The following ZNF891 variants were observed in gnomAD, a reference collection of about 807,000 sequenced individuals.
The protein encoded by ZNF891 is zinc finger protein 891.
For missense variants in ZNF891, 589 were observed against 632.7 expected (o/e 0.93, Z 0.74); for synonymous variants, 199 against 209.0 (o/e 0.95, Z 0.41).
chr12:133,105,852 A>G lies in ZNF891; in HGVS notation c.*14432T>C. 8.1e-6 allele frequency: 13 copies of G among 1,614,164 alleles called. No individual in the cohort carries two copies. Among genetic ancestry groups the G allele is most frequent in the Non-Finnish European group, 1.1e-5 (13 of 1,180,028 alleles). ...ACTGGAGAGAAACCATATGCATGTA[A>G]GGAATGTGGCAAAACCTTTAGCCAG... On this transcript the variant is annotated 3_prime_UTR_variant, in exon 2 of 2. Coordinates refer to ENST00000537226, the MANE Select transcript of ZNF891 (RefSeq NM_001277291.2).
At position 133,106,546 on chromosome 12, in the gene ZNF891, C is replaced by A; in HGVS notation, c.*13738G>T. On this transcript the variant is annotated 3_prime_UTR_variant, in exon 2 of 2. Coordinates refer to ENST00000537226, the MANE Select transcript of ZNF891 (RefSeq NM_001277291.2). ...GTAAGGTATGCAACAAATCCTTCAG[C>A]TGGAGCTCAAACCTTGCTAAACATC... 6.2e-7 allele frequency: 1 copy of A among 1,613,960 alleles called. No homozygotes were observed.
rs1407727161 is a variant in ZNF891, at chr12:133,107,975, A to G, written c.*12309T>C. On this transcript the variant is annotated 3_prime_UTR_variant, in exon 2 of 2. Transcript: ENST00000537226. ...AAGAGGTGAAATTTATAAAAGTTTT[A>G]GCCCAAAAACACCTTATTTACATGT... The G allele has an allele frequency of 6.6e-6, 1 of 152,228 alleles. No homozygotes were observed. The highest frequency in any genetic ancestry group is 1.9e-4 in the East Asian group (1 of 5,200). 9.4% of individuals were successfully genotyped at this position (152,228 alleles called of 1,614,324 possible).
Position 133,106,288 on chromosome 12 carries a change from T to C in ZNF891, c.*13996A>G. ...ATGAATGTAATGAATGTAGGAAAGCTTTCCGTTGTCACTCATTCCTTATTA... is the reference window on the plus strand; with the variant it reads ...ATGAATGTAATGAATGTAGGAAAGCCTTCCGTTGTCACTCATTCCTTATTA... On this transcript the variant is annotated 3_prime_UTR_variant, in exon 2 of 2. Transcript: ENST00000537226. 1 of 1,614,184 alleles carries C rather than the reference T, an allele frequency of 6.2e-7. No individual in the cohort carries two copies.
In ZNF891 at chr12:133,120,671, G is replaced by T. The variant is rs1485171420; in HGVS notation, c.1248C>A (p.Ser416Arg). The T allele has an allele frequency of 6.4e-7, 1 of 1,558,652 alleles. No homozygotes were observed. The highest frequency in any genetic ancestry group is 8.7e-7 in the Non-Finnish European group (1 of 1,152,258). The change falls in exon 2 of 2, where the codon AGC becomes AGA. Residue 416 changes from serine (S) to arginine (R), a missense_variant. By Grantham distance (110) the Ser-to-Arg change is moderately radical (BLOSUM62 -1). Transcript: ENST00000537226. The stretch of plus-strand genomic sequence containing the variant: ...TTCTCTTGTGCACTATAAGGTAAGA[G>T]CTTGTGCCAAAGGATTTTCCACACT... ...CNQCGKSFGTSSYLIVHKRIH... is the reference protein window; with the variant it reads ...CNQCGKSFGTRSYLIVHKRIH...
intron 1 of ZNF891, among the ~76,000 whole-genome samples, chr12:133,122,786 A>G (rs1456969056): frequency 1.3e-5 from 2 of 152,206 alleles, no homozygotes; most frequent in Non-Finnish European, 2.9e-5. Flanking sequence ...CTCCCTCCCC[A>G]AAGTCCATAT....
Position 133,106,230 on chromosome 12 carries a change from G to A in ZNF891, c.*14054C>T, listed in dbSNP as rs962516528. The A allele has an allele frequency of 5.6e-6, 9 of 1,613,898 alleles. No homozygotes were observed. The highest frequency in any genetic ancestry group is 5.3e-5 in the African/African-American group (4 of 74,852). ...TTTCGCCGTTTCTCACACCTTACTCGACATCAGAGCATCCATACAACCAAA... is the reference window on the plus strand; with the variant it reads ...TTTCGCCGTTTCTCACACCTTACTCAACATCAGAGCATCCATACAACCAAA... On this transcript the variant is annotated 3_prime_UTR_variant, in exon 2 of 2. Coordinates refer to ENST00000537226, the MANE Select transcript of ZNF891 (RefSeq NM_001277291.2).
rs575321267 is a variant in ZNF891, at chr12:133,114,926, T to C, written c.*5358A>G. 1.3e-5 allele frequency: 2 copies of C among 152,192 alleles called. No individual in the cohort carries two copies. Among genetic ancestry groups the C allele is most frequent in the Non-Finnish European group, 2.9e-5 (2 of 68,036 alleles). 9.4% of individuals were successfully genotyped at this position (152,192 alleles called of 1,614,324 possible). ...TTTAGATGGATCACCCTGGGAAGTGTAGAGAACAGTTGATAGGAAAGCACA... is the reference window on the plus strand; with the variant it reads ...TTTAGATGGATCACCCTGGGAAGTGCAGAGAACAGTTGATAGGAAAGCACA... On this transcript the variant is annotated 3_prime_UTR_variant, in exon 2 of 2. Coordinates refer to ENST00000537226, the MANE Select transcript of ZNF891 (RefSeq NM_001277291.2).
rs1955752753 is a variant in ZNF891 at position 133,121,015 on chromosome 12, G to C, written c.904C>G (p.Leu302Val). The C allele has an allele frequency of 6.5e-7, 1 of 1,535,502 alleles. No homozygotes were observed. Among genetic ancestry groups the C allele is most frequent in the Admixed American group, 2.0e-5 (1 of 50,984 alleles). ...TTCTTAAGGGATGATTGATGACACA[G>C]CGTTTCATCTTTATTACATTCACAG... ...NACECNKDET[L>V]CHQSSLKKQG... The change falls in exon 2 of 2, where the codon CTG becomes GTG. Residue 302 changes from leucine (L) to valine (V), a missense_variant. By Grantham distance (32) the Leu-to-Val change is conservative (BLOSUM62 1). Coordinates refer to ENST00000537226, the MANE Select transcript of ZNF891 (RefSeq NM_001277291.2).
chr12:133,105,628 T>A lies in ZNF891; in HGVS notation c.*14656A>T. ...GTCAAGGCCCTGTGTATTCCAGTTTTAAAGGAGGCTGGAAATGCAAGGATC... is the reference window on the plus strand; with the variant it reads ...GTCAAGGCCCTGTGTATTCCAGTTTAAAAGGAGGCTGGAAATGCAAGGATC... On this transcript the variant is annotated 3_prime_UTR_variant, in exon 2 of 2. Coordinates refer to ENST00000537226, the MANE Select transcript of ZNF891 (RefSeq NM_001277291.2). 1.2e-6 allele frequency: 2 copies of A among 1,614,158 alleles called. No individual in the cohort carries two copies. The highest frequency in any genetic ancestry group is 1.7e-5 in the Admixed American group (1 of 60,022).
Position 133,113,138 on chromosome 12 carries a change from T to G in ZNF891, c.*7146A>C, listed in dbSNP as rs1955695704. 2 of 149,130 alleles carry G rather than the reference T, an allele frequency of 1.3e-5. No homozygotes were observed. Among genetic ancestry groups the G allele is most frequent in the South Asian group, 4.1e-4 (2 of 4,824 alleles). The allele number at this position is 149,130 out of a possible 1,614,324, so 9.2% of individuals were successfully genotyped here. On this transcript the variant is annotated 3_prime_UTR_variant, in exon 2 of 2. Coordinates refer to ENST00000537226, the MANE Select transcript of ZNF891 (RefSeq NM_001277291.2). The stretch of plus-strand genomic sequence containing the variant: ...TATAAAAAAATATATTTTTCAATTT[T>G]TTTAATCTGGTATTTAAAAAAATGA...
chr12:133,119,189 T>G lies in ZNF891; in HGVS notation c.*1095A>C, dbSNP rs1048469381. On this transcript the variant is annotated 3_prime_UTR_variant, in exon 2 of 2. Transcript: ENST00000537226. ...GAGCCATGACCACACCACTGCATTC[T>G]AGCCTGAGAGACAGAGACTCTGTCT... 8 of 151,130 alleles carry G rather than the reference T, an allele frequency of 5.3e-5. No homozygotes were observed. Among genetic ancestry groups the G allele is most frequent in the Non-Finnish European group, 7.4e-5 (5 of 67,872 alleles). 9.4% of individuals were successfully genotyped at this position (151,130 alleles called of 1,614,324 possible).
In ZNF891 at chr12:133,106,223, C is replaced by T; in HGVS notation, c.*14061G>A. 6.2e-7 allele frequency: 1 copy of T among 1,614,186 alleles called. No homozygotes were observed. The highest frequency in any genetic ancestry group is 1.1e-5 in the South Asian group (1 of 91,084). On this transcript the variant is annotated 3_prime_UTR_variant, in exon 2 of 2. Transcript: ENST00000537226. The stretch of plus-strand genomic sequence containing the variant: ...GAAGGCATTTCGCCGTTTCTCACAC[C>T]TTACTCGACATCAGAGCATCCATAC...
chr12:133,121,827 A>G lies in ZNF891; in HGVS notation c.92T>C (p.Ile31Thr), dbSNP rs1593827456. ...TAACCAGGTTGTCAGAAATACAGCAATCATCCTTTCCTCTTCAGCATTTCT... is the reference window on the plus strand; with the variant it reads ...TAACCAGGTTGTCAGAAATACAGCAGTCATCCTTTCCTCTTCAGCATTTCT... ...HLRNAEEERM[I>T]AVFLTTWLQE... The change falls in exon 2 of 2, where the codon ATT becomes ACT. Residue 31 changes from isoleucine (I) to threonine (T), a missense_variant. By Grantham distance (89) the Ile-to-Thr change is moderately conservative. Transcript: ENST00000537226. 6.5e-7 allele frequency: 1 copy of G among 1,536,622 alleles called. No homozygotes were observed. Among genetic ancestry groups the G allele is most frequent in the East Asian group, 2.4e-5 (1 of 40,938 alleles).
Position 133,120,463 on chromosome 12 carries a change from T to C in ZNF891, c.1456A>G (p.Lys486Glu). The change falls in exon 2 of 2, where the codon AAA (lysine) becomes GAA (glutamate). Residue 486 changes from lysine to glutamate, a missense_variant. Physicochemically the swap from Lys to Glu is moderately conservative, Grantham distance 56. Coordinates refer to ENST00000537226, the MANE Select transcript of ZNF891 (RefSeq NM_001277291.2). ...RMHIRTHTGE[K>E]PYECKECRKA... ...CTACATTCCTTACATTCATAGGGTT[T>C]CTCTCCAGTGTGAGTTCTTATATGC... 1 of 1,604,936 alleles carries C rather than the reference T, an allele frequency of 6.2e-7. No homozygotes were observed. The highest frequency in any genetic ancestry group is 1.1e-5 in the South Asian group (1 of 90,048).
chr12:133,127,900 A>T (rs1955832382), intron 1 of ZNF891, among the ~76,000 whole-genome samples: 1 of 152,256 alleles, frequency 6.6e-6, no homozygotes, highest in African/African-American at 2.4e-5. Flanking sequence ...AAGCAAATGA[A>T]TAAAAAAGGC....
intron 1 of ZNF891, among the ~76,000 whole-genome samples, chr12:133,123,842 T>C (rs1475312131): frequency 1.3e-5 from 2 of 152,176 alleles, no homozygotes; most frequent in East Asian, 3.8e-4. Flanking sequence ...GGTTTAACCC[T>C]TCATTCCTCA....
At chr12:133,123,824 G>A (rs999739032) in intron 1 of ZNF891, among the ~76,000 whole-genome samples, 1 of 151,516 alleles carries the variant, frequency 6.6e-6, no homozygotes, top group Non-Finnish European at 1.5e-5. Flanking sequence ...ATTAAGAATT[G>A]TATTGCAGGT....
intron 1 of ZNF891, among the ~76,000 whole-genome samples, chr12:133,124,737 ATATAAAAGGCCTTT>A (rs1420707507): frequency 6.9e-6 from 1 of 144,786 alleles, no homozygotes; most frequent in East Asian, 2.1e-4. Flanking sequence ...ACTGAGAGCA[ATATAAAAGGCCTTT>A]TATATTGCTC....
chr12:133,105,488 C>CTTT lies in ZNF891; in HGVS notation c.*14793_*14795dup. 3 of 1,519,398 alleles carry CTTT rather than the reference C, an allele frequency of 2.0e-6. No individual in the cohort carries two copies. Among genetic ancestry groups the CTTT allele is most frequent in the Admixed American group, 2.2e-5 (1 of 46,264 alleles). The allele number at this position is 1,519,398 out of a possible 1,614,324, so 94.1% of individuals were successfully genotyped here. A position where few individuals can be genotyped will look rare whatever the true frequency, so the allele number is the denominator to read the frequency against. On this transcript the variant is annotated 3_prime_UTR_variant, in exon 2 of 2. Coordinates refer to ENST00000537226, the MANE Select transcript of ZNF891 (RefSeq NM_001277291.2). Reference sequence around the variant, plus strand: ...TCAATACAGGAAAAAGAAACATTCACTTTTTTTTTGGTATCTTTCAGTTTC... The same window carrying CTTT: ...TCAATACAGGAAAAAGAAACATTCACTTTTTTTTTTTTGGTATCTTTCAGTTTC...
Sources: allele counts gnomAD v4.1 joint callset (sites outside exome capture counted in the v4.1 genomes callset), GRCh38; gene constraint gnomAD v4.1.1; transcripts MANE v1.5; gene names NCBI Gene and HGNC (gene_info 2026-07-23, HGNC 2026-07-21).